The following BOP1 variants were observed in gnomAD, a reference collection of about 807,000 sequenced individuals.
The protein encoded by BOP1 is BOP1 ribosomal biogenesis factor.
In BOP1, 54 loss-of-function variants were observed where a neutral mutation model predicts 82.9. The ratio of observed to expected loss-of-function variants is 0.65; its 90% CI spans 0.52 to 0.82. The LOEUF (loss-of-function observed/expected upper bound fraction) is 0.82, where lower values mean the gene tolerates loss of function less well. BOP1 is among the 40% of genes least tolerant of loss of function. The probability of loss-of-function intolerance (pLI) is 0.00; values close to 1 mark genes in which losing one functional copy is unlikely to be tolerated. For synonymous variants in BOP1, 566 were observed against 451.1 expected, an observed-to-expected ratio of 1.25 and a Z score of -3.23; for missense variants, 1,170 against 1,072.0, an observed-to-expected ratio of 1.09 and a Z score of -1.28.
intron 3 of BOP1, chr8:144,266,836 C>T (rs1371818907): frequency 9.1e-6 from 12 of 1,315,006 alleles, no homozygotes; most frequent in Non-Finnish European, 9.8e-6. Context: ...CCGTGAGCCC[C>T]GGCAGCGGCA....
At chr8:144,267,992 A>C (rs1198760449) in intron 3 of BOP1, 2 of 1,476,762 alleles carry the variant, frequency 1.4e-6, no homozygotes, top group African/African-American at 1.4e-5. Context: ...AGAGCCGGGA[A>C]GGAGGTGCCT....
chr8:144,266,296 C>G (rs1406624590), intron 3 of BOP1, among the ~76,000 whole-genome samples: 2 of 152,022 alleles, frequency 1.3e-5, no homozygotes, highest in African/African-American at 4.8e-5. Flanking sequence ...CCCCCAAAGA[C>G]CAGCCCCGCC....
chr8:144,269,403 G>T (rs1368261974), intron 3 of BOP1, among the ~76,000 whole-genome samples: 1 of 152,208 alleles, frequency 6.6e-6, no homozygotes, highest in Admixed American at 6.5e-5. Flanking sequence ...CGCACCCTCG[G>T]GGGGAGACCA....
chr8:144,270,893 T>C (rs1845481264), intron 3 of BOP1, among the ~76,000 whole-genome samples: 1 of 152,106 alleles, frequency 6.6e-6, no homozygotes, highest in African/African-American at 2.4e-5. Flanking sequence ...CGAGCCGAGC[T>C]GGGCTGGAAA....
chr8:144,268,247 C>G (rs958351392), intron 3 of BOP1: 1 of 1,482,716 alleles, frequency 6.7e-7, no homozygotes, highest in East Asian at 2.5e-5. Flanking sequence ...CAAGGCCCAC[C>G]GCAAGCATGC....
intron 3 of BOP1, chr8:144,268,113 C>A: frequency 6.4e-7 from 1 of 1,551,356 alleles, no homozygotes. Flanking sequence ...GAGCAAGGAC[C>A]GCGACAGAAA....
chr8:144,289,348 T>G (rs781864052), intron 1 of BOP1, 44 bp from the exon 2 acceptor site: 1 of 1,588,860 alleles, frequency 6.3e-7, no homozygotes. Flanking sequence ...CCTCCAGGCA[T>G]GGGGCACTGA....
intron 2 of BOP1, 34 bp downstream of exon 2, chr8:144,289,061 G>C: frequency 2.5e-6 from 4 of 1,611,038 alleles, no homozygotes; most frequent in Non-Finnish European, 3.4e-6. Flanking sequence ...TGCACATGGG[G>C]GACAGCCCTC....
At chr8:144,277,487 G>A (rs1448846475) in intron 2 of BOP1, among the ~76,000 whole-genome samples, 1 of 152,244 alleles carries the variant, frequency 6.6e-6, no homozygotes, top group Non-Finnish European at 1.5e-5. Flanking sequence ...GTACCGGGCT[G>A]GGCTCCCGAC....
At chr8:144,289,839 C>A (rs781981312) in intron 1 of BOP1, among the ~76,000 whole-genome samples, 1 of 152,200 alleles carries the variant, frequency 6.6e-6, no homozygotes, top group Admixed American at 6.5e-5. Context: ...CCTCATTTAA[C>A]CAGATTGGGA....
intron 2 of BOP1, among the ~76,000 whole-genome samples, chr8:144,277,478 T>C (rs1242176514): frequency 1.3e-5 from 2 of 152,208 alleles, no homozygotes; most frequent in Admixed American, 6.5e-5. Context: ...TGCGGACGGG[T>C]ACCGGGCTGG....
At chr8:144,275,277 A>G (rs923750473) in intron 3 of BOP1, among the ~76,000 whole-genome samples, 117 of 152,248 alleles carry the variant, frequency 7.7e-4, no homozygotes, top group Middle Eastern at 3.4e-3. Flanking sequence ...CTGGGACCAC[A>G]GTCCTACCCT....
chr8:144,280,496 G>A (rs1588603092), intron 2 of BOP1, among the ~76,000 whole-genome samples: 1 of 152,278 alleles, frequency 6.6e-6, no homozygotes, highest in Non-Finnish European at 1.5e-5. Context: ...TCGCTGAGAC[G>A]CTGGCGGGAT....
chr8:144,276,485 G>T (rs892435977), intron 2 of BOP1, among the ~76,000 whole-genome samples, 181 bp from the exon 3 acceptor site: 1 of 152,148 alleles, frequency 6.6e-6, no homozygotes, highest in African/African-American at 2.4e-5. Flanking sequence ...GCTGGCACCC[G>T]GCGCCGCAGG....
intron 3 of BOP1, among the ~76,000 whole-genome samples, chr8:144,269,613 C>T (rs1164116215): frequency 2.3e-4 from 35 of 152,256 alleles, no homozygotes; most frequent in Non-Finnish European, 2.5e-4. Context: ...GTCACAACGG[C>T]AGGTTTCGTT....
At chr8:144,268,234 G>T in intron 3 of BOP1, 1 of 1,525,538 alleles carries the variant, frequency 6.6e-7, no homozygotes, top group South Asian at 1.2e-5. Context: ...GACCTGAGCT[G>T]GGCAAGGCCC....
intron 2 of BOP1, among the ~76,000 whole-genome samples, chr8:144,282,501 AAG>A (rs1845700958): frequency 6.6e-6 from 1 of 152,092 alleles, no homozygotes; most frequent in South Asian, 2.1e-4. Flanking sequence ...TGGACCCAGA[AAG>A]AGGGGTCACT....
intron 2 of BOP1, among the ~76,000 whole-genome samples, chr8:144,286,834 C>T (rs1020158962): frequency 2.0e-5 from 3 of 152,198 alleles, no homozygotes; most frequent in Non-Finnish European, 2.9e-5. Context: ...CAGCCAGTTA[C>T]GCGGTCACAG....
intron 13 of BOP1, 74 bp downstream of exon 13, chr8:144,262,779 C>T (rs1845245725): frequency 7.5e-7 from 1 of 1,339,010 alleles, no homozygotes; most frequent in Non-Finnish European, 1.0e-6. Context: ...CCCCTACCCC[C>T]ACCCCTCACC....
Sources: allele counts gnomAD v4.1 joint callset (sites outside exome capture counted in the v4.1 genomes callset), GRCh38; gene constraint gnomAD v4.1.1; transcripts MANE v1.5; gene names NCBI Gene and HGNC (gene_info 2026-07-23, HGNC 2026-07-21).